The following KMT5B variants were observed in gnomAD, a reference collection of about 807,000 sequenced individuals.
The protein encoded by KMT5B is lysine methyltransferase 5B, also known as histone-lysine N-methyltransferase KMT5B.
A neutral mutation model predicts 83.2 loss-of-function variants in KMT5B; 10 were observed. The observed-to-expected ratio is 0.12, with a 90% CI of 0.07 to 0.20. The LOEUF is 0.20. KMT5B is among the 10% of genes least tolerant of loss of function. The pLI is 1.00. For missense variants in KMT5B, 753 were observed against 1,067.2 expected (o/e 0.71, Z 4.10); for synonymous variants, 349 against 388.8 (o/e 0.90, Z 1.20).
chr11:68,159,904 A>G (rs1565215301), intron 10 of KMT5B, among the ~76,000 whole-genome samples: 1 of 152,216 alleles, frequency 6.6e-6, no homozygotes, highest in African/African-American at 2.4e-5. Context: ...CAGTGAAGGA[A>G]GATGCACGCT....
intron 2 of KMT5B, 64 bp from the exon 3 acceptor site, chr11:68,185,992 CTT>C (rs781541488): frequency 1.4e-5 from 20 of 1,453,720 alleles, no homozygotes; most frequent in Non-Finnish European, 9.3e-7. Flanking sequence ...GCCTTAAAAT[CTT>C]TAGCGGCATT....
Position 68,185,949 on chromosome 11 carries a change from A to C in KMT5B, c.161-21T>G, listed in dbSNP as rs772457794. 3.2e-6 allele frequency: 5 copies of C among 1,560,576 alleles called. No individual in the cohort carries two copies. In the South Asian group the frequency reaches 6.0e-5, roughly 19 times the overall value. ...ATTACCTGTGAAAAGCAAAAGCAAG[A>C]AAAATTACTCAAATTGAAAACTACT... On this transcript the variant is annotated intron_variant, in intron 2 of 10. Coordinates refer to ENST00000304363, the MANE Select transcript of KMT5B (RefSeq NM_017635.5).
At chr11:68,184,825 C>G (rs955657343) in intron 3 of KMT5B, among the ~76,000 whole-genome samples, 2 of 152,128 alleles carry the variant, frequency 1.3e-5, no homozygotes, top group African/African-American at 4.8e-5. Context: ...ATCTAATGGT[C>G]TTTTTTGAGG....
intron 1 of KMT5B, among the ~76,000 whole-genome samples, chr11:68,207,853 T>C (rs1202933912): frequency 1.3e-5 from 2 of 151,196 alleles, no homozygotes; most frequent in African/African-American, 2.4e-5. Flanking sequence ...AATTTTTTAT[T>C]TTTTTAGACG....
chr11:68,183,025 C>T (rs369744538), intron 3 of KMT5B, among the ~76,000 whole-genome samples: 36 of 152,012 alleles, frequency 2.4e-4, no homozygotes, highest in East Asian at 9.7e-4. Flanking sequence ...CGTGAGCCAC[C>T]GCACCTGGCC....
In KMT5B at chr11:68,175,539, T is replaced by TA. The variant is rs371371118; in HGVS notation, c.378-357dup. On this transcript the variant is annotated intron_variant, in intron 4 of 10. Transcript: ENST00000304363. Reference sequence around the variant, plus strand: ...AAACAAAAGCTGTCTGATTCAGACTTACACTAGTCGTCAACTTTGGGAGAC... The same window carrying TA: ...AAACAAAAGCTGTCTGATTCAGACTTAACACTAGTCGTCAACTTTGGGAGAC... 1.5e-3 allele frequency among the ~76,000 whole-genome samples: 232 copies of TA among 152,344 alleles called. 1 individual carries two copies. Among genetic ancestry groups the TA allele is most frequent in the African/African-American group, 5.2e-3 (215 of 41,580 alleles).
At position 68,180,510 on chromosome 11, in the gene KMT5B, T is replaced by C. The variant is rs571333579; in HGVS notation, c.309-310A>G. On this transcript the variant is annotated intron_variant, in intron 3 of 10. Coordinates refer to ENST00000304363, the MANE Select transcript of KMT5B (RefSeq NM_017635.5). ...TCATATTCATATCCAATAGTGGATA[T>C]GAATAATCAAATACATATAAAAGTG... Among the ~76,000 whole-genome samples the C allele has an allele frequency of 5.3e-5, 8 of 152,350 alleles. No homozygotes were observed. In the South Asian group the frequency reaches 1.7e-3, roughly 32 times the overall value.
chr11:68,168,573 T>C (rs1364702408), intron 9 of KMT5B, among the ~76,000 whole-genome samples: 1 of 152,138 alleles, frequency 6.6e-6, no homozygotes, highest in Non-Finnish European at 1.5e-5. Context: ...TGACCTCAGG[T>C]GATCCACCTG....
Position 68,171,398 on chromosome 11 carries a change from T to C in KMT5B, c.820+145A>G. On this transcript the variant is annotated intron_variant, in intron 7 of 10. Transcript: ENST00000304363. The surrounding 1 kb of genome is among the most constrained non-coding windows in gnomAD (Gnocchi z 5.1). ...TCAAGTTCAACTAAAGGAATATACA[T>C]TTATTTTAATAAGTTTGTGGAAACA... 2.4e-6 allele frequency: 3 copies of C among 1,248,798 alleles called. No homozygotes were observed. Among genetic ancestry groups the C allele is most frequent in the Admixed American group, 2.5e-5 (1 of 39,792 alleles). The allele number at this position is 1,248,798 out of a possible 1,614,324, so 77.4% of individuals were successfully genotyped here.
intron 10 of KMT5B, chr11:68,166,167 G>A: frequency 1.5e-6 from 2 of 1,362,168 alleles, no homozygotes; most frequent in Non-Finnish European, 1.9e-6. Context: ...CTGCTTTAGT[G>A]GCAACTACAG....
Position 68,173,417 on chromosome 11 carries a change from G to A in KMT5B, c.653+387C>T, listed in dbSNP as rs184508605. On this transcript the variant is annotated intron_variant, in intron 6 of 10. Transcript: ENST00000304363. ...ATGTATGTATTTTTAAGCAACTAATGCTTTAGGGAGGTTTCCACCCATAAA... is the reference window on the plus strand; with the variant it reads ...ATGTATGTATTTTTAAGCAACTAATACTTTAGGGAGGTTTCCACCCATAAA... Among the ~76,000 whole-genome samples, 374 of 152,216 alleles carry A rather than the reference G, an allele frequency of 2.5e-3. 4 individuals are homozygous for A. The highest frequency in any genetic ancestry group is 0.02 in the Admixed American group (309 of 15,286).
At chr11:68,197,542 C>T (rs1858870069) in intron 1 of KMT5B, among the ~76,000 whole-genome samples, 1 of 152,146 alleles carries the variant, frequency 6.6e-6, no homozygotes, top group Non-Finnish European at 1.5e-5. Context: ...ACCAACAAAT[C>T]ACTTTAGTAA....
chr11:68,204,679 G>A (rs769550255), intron 1 of KMT5B, among the ~76,000 whole-genome samples: 4 of 144,804 alleles, frequency 2.8e-5, no homozygotes, highest in South Asian at 2.3e-4. Context: ...GCAGTGGTGC[G>A]ATCTCAGCTC....
chr11:68,177,276 A>G (rs1428684936), intron 4 of KMT5B, among the ~76,000 whole-genome samples: 2 of 152,216 alleles, frequency 1.3e-5, no homozygotes, highest in Non-Finnish European at 2.9e-5. Flanking sequence ...CTAAAAGTAT[A>G]GAAATTATAA....
chr11:68,176,207 C>A lies in KMT5B; in HGVS notation c.378-1024G>T, dbSNP rs539977040. 6.6e-5 allele frequency among the ~76,000 whole-genome samples: 10 copies of A among 152,136 alleles called. No homozygotes were observed. In the East Asian group the frequency reaches 1.7e-3, roughly 27 times the overall value. On this transcript the variant is annotated intron_variant, in intron 4 of 10. Transcript: ENST00000304363. ...GGTGTGAGCCACTGCGCCTGGCCTG[C>A]AGGGGTAGAATTGAAAAGGCTTCCA...
chr11:68,198,437 AAAGACAAGACAAGACAAGAC>A (rs146631548), intron 1 of KMT5B, among the ~76,000 whole-genome samples: 15,461 of 148,668 alleles, frequency 0.1, 1,060 homozygotes, highest in African/African-American at 0.18. Context: ...GGAAAGGAAA[AAAGACAAGACAAGACAAGAC>A]AAGACAAGAC....
chr11:68,195,442 T>C (rs1285871718), intron 1 of KMT5B, among the ~76,000 whole-genome samples: 2 of 152,188 alleles, frequency 1.3e-5, no homozygotes, highest in African/African-American at 4.8e-5. Context: ...GTTGTTTCTA[T>C]AAAAGGTACA....
At chr11:68,209,344 G>A (rs1860571325) in intron 1 of KMT5B, among the ~76,000 whole-genome samples, 1 of 152,152 alleles carries the variant, frequency 6.6e-6, no homozygotes, top group African/African-American at 2.4e-5. Flanking sequence ...ACTAGAGGGC[G>A]TATGAGAGCT....
At chr11:68,175,262 A>T (rs181585208) in intron 4 of KMT5B, 79 bp from the exon 5 acceptor site, 2 of 1,151,276 alleles carry the variant, frequency 1.7e-6, no homozygotes, top group Admixed American at 2.3e-5. Context: ...ATCTTGAGAA[A>T]GAGCTAATAC....
Sources: allele counts gnomAD v4.1 joint callset (sites outside exome capture counted in the v4.1 genomes callset), GRCh38; gene constraint gnomAD v4.1.1; non-coding constraint Gnocchi (gnomAD v3.1); transcripts MANE v1.5; gene names NCBI Gene and HGNC (gene_info 2026-07-23, HGNC 2026-07-21).